Variants in ITGA8 observed in about 807,000 individuals in gnomAD.
ITGA8 encodes the protein integrin subunit alpha 8, also known as integrin alpha-8.
Under a neutral mutation model 142.3 loss-of-function variants are expected in ITGA8, and 91 were observed. The observed-to-expected ratio is 0.64, with a 90% CI of 0.54 to 0.76. The LOEUF is 0.76. Among genes scored for constraint, ITGA8 ranks in the 30% least tolerant of loss-of-function variants. The pLI is 0.00. For synonymous variants in ITGA8, 505 were observed against 485.2 expected (o/e 1.04, Z -0.54); for missense variants, 1,406 against 1,327.7 (o/e 1.06, Z -0.92).
Position 15,715,106 on chromosome 10 carries a change from G to T in ITGA8, c.343+3660C>A, listed in dbSNP as rs536135833. Among the ~76,000 whole-genome samples the T allele has an allele frequency of 3.2e-4, 49 of 151,924 alleles. 1 individual carries two copies. The South Asian group carries it at 0.01, about 31-fold the overall frequency. On this transcript the variant is annotated intron_variant, in intron 2 of 29. Transcript: ENST00000378076. ...AGAGAACTTTTCTTCCTTTTTTTCG[G>T]GGGAGAACAGTACGTTACTGGCACT...
At chr10:15,680,600 ATG>A (rs1834719620) in intron 4 of ITGA8, among the ~76,000 whole-genome samples, 1 of 152,050 alleles carries the variant, frequency 6.6e-6, no homozygotes, top group Admixed American at 6.6e-5. Flanking sequence ...ATGTGTTCAT[ATG>A]TGTTTTTATA....
chr10:15,552,802 C>T (rs61843015), intron 26 of ITGA8, among the ~76,000 whole-genome samples: 47,625 of 152,018 alleles, frequency 0.31, 7,687 homozygotes, highest in Non-Finnish European at 0.32. Flanking sequence ...TTCTGTTCTC[C>T]GTGTTAGTTT....
chr10:15,581,104 A>G (rs923772983), intron 23 of ITGA8, among the ~76,000 whole-genome samples: 5 of 152,248 alleles, frequency 3.3e-5, no homozygotes, highest in Non-Finnish European at 7.3e-5. Flanking sequence ...TGGATATCCT[A>G]ACACTATGAT....
At chr10:15,694,153 C>T (rs1361952879) in intron 2 of ITGA8, among the ~76,000 whole-genome samples, 1 of 140,656 alleles carries the variant, frequency 7.1e-6, no homozygotes, top group African/African-American at 2.7e-5. Context: ...TATCATATAT[C>T]AGATAATATA....
intron 23 of ITGA8, among the ~76,000 whole-genome samples, chr10:15,584,419 G>A (rs971536809): frequency 6.6e-6 from 1 of 152,126 alleles, no homozygotes; most frequent in Non-Finnish European, 1.5e-5. Flanking sequence ...AGGAATCAGG[G>A]GACCGCAAGT....
intron 8 of ITGA8, among the ~76,000 whole-genome samples, chr10:15,671,086 G>A (rs1834506624): frequency 6.6e-6 from 1 of 152,096 alleles, no homozygotes; most frequent in African/African-American, 2.4e-5. Context: ...ATCAGCCCTG[G>A]TAGACAACAG....
chr10:15,519,489 C>T (rs1413040524), intron 28 of ITGA8, 77 bp from the exon 29 acceptor site: 5 of 1,476,550 alleles, frequency 3.4e-6, no homozygotes, highest in Admixed American at 1.7e-5. Flanking sequence ...ACCAGTACAA[C>T]ATCGGAAGTT....
intron 25 of ITGA8, among the ~76,000 whole-genome samples, chr10:15,566,718 G>A (rs1834087300): frequency 1.3e-5 from 2 of 151,908 alleles, no homozygotes; most frequent in African/African-American, 4.8e-5. Context: ...GACTGAAATG[G>A]GAGGATTGCT....
chr10:15,669,943 T>C (rs1392875149), intron 8 of ITGA8, among the ~76,000 whole-genome samples: 1 of 152,124 alleles, frequency 6.6e-6, no homozygotes, highest in Non-Finnish European at 1.5e-5. Context: ...CCTTCCCAGT[T>C]AGGCTACTCA....
chr10:15,612,898 C>T (rs548736357), intron 15 of ITGA8, among the ~76,000 whole-genome samples: 190 of 152,316 alleles, frequency 1.2e-3, no homozygotes, highest in Non-Finnish European at 2.0e-3. Flanking sequence ...TGGTGGCCCA[C>T]GCCTGTAATC....
At chr10:15,676,245 G>T (rs1834628297) in intron 6 of ITGA8, among the ~76,000 whole-genome samples, 1 of 152,080 alleles carries the variant, frequency 6.6e-6, no homozygotes, top group African/African-American at 2.4e-5. Context: ...CTCAGTTCAG[G>T]GTTGTTTGCT....
At chr10:15,669,323 C>T (rs1047643789) in intron 8 of ITGA8, among the ~76,000 whole-genome samples, 2 of 152,202 alleles carry the variant, frequency 1.3e-5, no homozygotes, top group African/African-American at 4.8e-5. Context: ...GCTACTGAGG[C>T]TTCTGCATTT....
intron 15 of ITGA8, 103 bp downstream of exon 15, chr10:15,613,557 T>C: frequency 2.4e-6 from 2 of 833,854 alleles, no homozygotes. Context: ...ATGCAAAATC[T>C]AGGCCCTACC....
At chr10:15,700,194 AC>A (rs1192682768) in intron 2 of ITGA8, among the ~76,000 whole-genome samples, 4 of 152,174 alleles carry the variant, frequency 2.6e-5, no homozygotes, top group African/African-American at 9.7e-5. Flanking sequence ...ATGAAAAGCC[AC>A]TTGCCCCCAC....
chr10:15,719,668 G>A lies in ITGA8; in HGVS notation c.104C>T (p.Ala35Val). 1.3e-6 allele frequency: 2 copies of A among 1,508,688 alleles called. No homozygotes were observed. Among genetic ancestry groups the A allele is most frequent in the South Asian group, 1.3e-5 (1 of 77,178 alleles). The allele number at this position is 1,508,688 out of a possible 1,614,324, so 93.5% of individuals were successfully genotyped here. A position where few individuals can be genotyped will look rare whatever the true frequency, so the allele number is the denominator to read the frequency against. Reference protein sequence around the residue: ...AALGMLLWSPACQAFNLDVEK... With the variant: ...AALGMLLWSPVCQAFNLDVEK... ...CACGTCCAGGTTGAACGCCTGACAG[G>A]CGGGGGACCACAGCAACATCCCCAG... The change falls in exon 1 of 30, where the codon GCC becomes GTC. Residue 35 changes from alanine (A) to valine (V), a missense_variant. Physicochemically the swap from Ala to Val is moderately conservative, Grantham distance 64. Coordinates refer to ENST00000378076, the MANE Select transcript of ITGA8 (RefSeq NM_003638.3).
At chr10:15,527,138 A>G (rs756923902) in intron 28 of ITGA8, among the ~76,000 whole-genome samples, 1 of 152,344 alleles carries the variant, frequency 6.6e-6, no homozygotes, top group Non-Finnish European at 1.5e-5. Flanking sequence ...GAACAAAATA[A>G]TAACATGAGG....
intron 13 of ITGA8, among the ~76,000 whole-genome samples, chr10:15,640,242 C>A (rs1451531142): frequency 6.6e-6 from 1 of 152,206 alleles, no homozygotes; most frequent in African/African-American, 2.4e-5. Context: ...CGGGACCGAC[C>A]TGGGTGTCAG....
Position 15,597,193 on chromosome 10 carries a change from T to C in ITGA8, c.2211+14A>G. 2 of 1,594,652 alleles carry C rather than the reference T, an allele frequency of 1.3e-6. No homozygotes were observed. The highest frequency in any genetic ancestry group is 1.7e-6 in the Non-Finnish European group (2 of 1,162,182). On this transcript the variant is annotated intron_variant, in intron 21 of 29. Transcript: ENST00000378076. ...TTAGAAGGAAATCAGTCAGTATTTC[T>C]GGTTCTCTCTTACATTTGTTCCAGA...
intron 20 of ITGA8, among the ~76,000 whole-genome samples, chr10:15,600,138 T>G (rs1194858047): frequency 6.6e-6 from 1 of 152,222 alleles, no homozygotes; most frequent in Non-Finnish European, 1.5e-5. Flanking sequence ...TACTTTAAGT[T>G]CTAGGGTGCA....
Sources: allele counts gnomAD v4.1 joint callset (sites outside exome capture counted in the v4.1 genomes callset), GRCh38; gene constraint gnomAD v4.1.1; transcripts MANE v1.5; gene names NCBI Gene and HGNC (gene_info 2026-07-23, HGNC 2026-07-21).